The following TEKT3 variants were observed in gnomAD, a reference collection of about 807,000 sequenced individuals.
TEKT3 encodes the protein tektin 3.
Under a neutral mutation model 49.8 loss-of-function variants are expected in TEKT3, and 49 were observed. That is an observed-to-expected ratio of 0.98 (90% confidence interval 0.78 to 1.25). TEKT3 has a LOEUF of 1.25. Among genes scored for constraint, TEKT3 ranks in the 50% most tolerant of loss-of-function variants. The pLI, the probability that TEKT3 is intolerant of heterozygous loss-of-function variation, is 0.00. For synonymous variants in TEKT3, 225 were observed against 237.2 expected (o/e 0.95, Z 0.47); for missense variants, 595 against 629.5 (o/e 0.95, Z 0.59).
At chr17:15,319,248 T>A in intron 4 of TEKT3, 101 bp from the exon 5 acceptor site, 1 of 978,920 alleles carries the variant, frequency 1.0e-6, no homozygotes. Flanking sequence ...TTTTGTTTCT[T>A]AAAATACTGT....
intron 7 of TEKT3, 72 bp from the exon 8 acceptor site, chr17:15,308,890 C>A: frequency 6.4e-7 from 1 of 1,558,410 alleles, no homozygotes; most frequent in Non-Finnish European, 8.8e-7. Context: ...CACCTCTTGC[C>A]TGTCCACTCC....
At chr17:15,305,515 G>A (rs1910505067) in intron 8 of TEKT3, among the ~76,000 whole-genome samples, 1 of 152,106 alleles carries the variant, frequency 6.6e-6, no homozygotes, top group African/African-American at 2.4e-5. Context: ...AAGATCCCAG[G>A]GTATAAAATA....
At chr17:15,343,469 A>T (rs145672767), upstream of TEKT3, among the ~76,000 whole-genome samples, 406 of 152,168 alleles carry the variant, frequency 2.7e-3, 1 homozygote, top group African/African-American at 9.4e-3. Flanking sequence ...AATGCTTATT[A>T]AAAAAAATAA....
intron 4 of TEKT3, 75 bp downstream of exon 4, chr17:15,327,917 C>A: frequency 7.9e-7 from 1 of 1,264,546 alleles, no homozygotes; most frequent in Non-Finnish European, 1.2e-6. Flanking sequence ...ATGTAACATC[C>A]TTTTTTGCTT....
chr17:15,340,228 G>A (rs1199762710), intron 1 of TEKT3, among the ~76,000 whole-genome samples, 167 bp from the exon 2 acceptor site: 2 of 152,176 alleles, frequency 1.3e-5, no homozygotes, highest in East Asian at 3.9e-4. Context: ...CCTGCAACAC[G>A]TACAGCATAA....
rs568982187 is a variant in TEKT3 at position 15,315,707 on chromosome 17, A to C, written c.735-1477T>G. ...AAGATGGAAGTTCAGTTGACATAGT[A>C]AACTTGAGTGTTCACTGAACATCTA... On this transcript the variant is annotated intron_variant, in intron 5 of 8. Coordinates refer to ENST00000395930, the MANE Select transcript of TEKT3 (RefSeq NM_031898.3). 2.0e-4 allele frequency among the ~76,000 whole-genome samples: 30 copies of C among 152,270 alleles called. No individual in the cohort carries two copies. The South Asian group carries it at 4.4e-3, about 22-fold the overall frequency.
rs543576806 is a variant in TEKT3 at position 15,328,610 on chromosome 17, GAA to G, written c.580-537_580-536del. On this transcript the variant is annotated intron_variant, in intron 3 of 8. Transcript: ENST00000395930. ...TAAAGAGAAAAAATATAGAAAAGTA[GAA>G]AATATGATTTAGCCATACTCCTATT... is the stretch of plus-strand genomic sequence containing the variant. Among the ~76,000 whole-genome samples, 290 of 152,186 alleles carry G rather than the reference GAA, an allele frequency of 1.9e-3. 1 individual carries two copies. Among genetic ancestry groups the G allele is most frequent in the African/African-American group, 6.6e-3 (274 of 41,528 alleles).
chr17:15,337,140 A>G (rs1445302973), intron 2 of TEKT3, among the ~76,000 whole-genome samples: 1 of 152,108 alleles, frequency 6.6e-6, no homozygotes, highest in East Asian at 1.9e-4. Context: ...TTATTTTAAA[A>G]TAATTTATAG....
At chr17:15,329,039 T>C (rs1334956452) in intron 3 of TEKT3, among the ~76,000 whole-genome samples, 1 of 152,310 alleles carries the variant, frequency 6.6e-6, no homozygotes, top group African/African-American at 2.4e-5. Flanking sequence ...TATTTTGATA[T>C]GTATTACCAA....
intron 4 of TEKT3, chr17:15,327,771 T>C (rs1409728842): frequency 4.5e-6 from 2 of 447,682 alleles, no homozygotes; most frequent in Admixed American, 7.4e-5. Flanking sequence ...TAATAAAGCT[T>C]CAAGTGATTT....
intron 8 of TEKT3, among the ~76,000 whole-genome samples, chr17:15,307,154 A>G (rs1910587506): frequency 6.6e-6 from 1 of 152,256 alleles, no homozygotes; most frequent in Non-Finnish European, 1.5e-5. Context: ...TTTCATCATA[A>G]TGATCTCCTC....
chr17:15,310,798 G>A (rs1910738352), intron 7 of TEKT3: 1 of 152,110 alleles, frequency 6.6e-6, no homozygotes, highest in African/African-American at 2.4e-5. Context: ...CCTTTAGAAT[G>A]TCTTCTTACA....
chr17:15,313,077 G>A (rs557414160), intron 6 of TEKT3, among the ~76,000 whole-genome samples: 2 of 152,248 alleles, frequency 1.3e-5, no homozygotes, highest in African/African-American at 4.8e-5. Context: ...AAGGATATAC[G>A]TGTGAGGATA....
intron 4 of TEKT3, 116 bp downstream of exon 4, chr17:15,327,876 A>C: frequency 1.2e-6 from 1 of 818,728 alleles, no homozygotes; most frequent in Non-Finnish European, 2.0e-6. Context: ...TCAGCATCTG[A>C]TACGATAATG....
rs1007304378 is a variant in TEKT3, at chr17:15,308,751, G to A, written c.1169C>T (p.Thr390Ile). 9 of 1,613,984 alleles carry A rather than the reference G, an allele frequency of 5.6e-6. No individual in the cohort carries two copies. The highest frequency in any genetic ancestry group is 1.3e-5 in the African/African-American group (1 of 74,908). Residue 390 changes from threonine to isoleucine, a missense_variant, in exon 8 of 9, where the codon ACT becomes ATT. Coordinates refer to ENST00000395930, the MANE Select transcript of TEKT3 (RefSeq NM_031898.3). ...GGTCTGAGCCACCTTCAGGAAGGCAGTCTTGTCCTTGATGGCCTTCTTGAT... is the reference window on the plus strand; with the variant it reads ...GGTCTGAGCCACCTTCAGGAAGGCAATCTTGTCCTTGATGGCCTTCTTGAT... ...ESIKKAIKDK[T>I]AFLKVAQTRL...
intron 2 of TEKT3, among the ~76,000 whole-genome samples, chr17:15,338,807 C>A (rs1021041055): frequency 1.3e-5 from 2 of 151,652 alleles, no homozygotes; most frequent in African/African-American, 4.8e-5. Flanking sequence ...TGAGCCACCG[C>A]GCCCAGCCAG....
intron 2 of TEKT3, among the ~76,000 whole-genome samples, chr17:15,332,183 T>C (rs185766821): frequency 2.9e-3 from 448 of 152,094 alleles, no homozygotes; most frequent in African/African-American, 0.011. Context: ...ACAGAGAGAC[T>C]CCGTCTAAAA....
At chr17:15,331,752 C>T in intron 2 of TEKT3, 138 bp from the exon 3 acceptor site, 1 of 625,294 alleles carries the variant, frequency 1.6e-6, no homozygotes, top group Non-Finnish European at 2.7e-6. Flanking sequence ...CATTTGTTAT[C>T]CACATTCACC....
chr17:15,319,056 A>G lies in TEKT3; in HGVS notation c.734+21T>C, dbSNP rs112235939. On this transcript the variant is annotated intron_variant, in intron 5 of 8. Coordinates refer to ENST00000395930, the MANE Select transcript of TEKT3 (RefSeq NM_031898.3). Reference sequence around the variant, plus strand: ...AGTTCAATGATAGATTTTGAATTGTATAGAGACATAAAGCTCTTACGCAAG... The same window carrying G: ...AGTTCAATGATAGATTTTGAATTGTGTAGAGACATAAAGCTCTTACGCAAG... 1,062 of 1,590,168 alleles carry G rather than the reference A, an allele frequency of 6.7e-4. 5 individuals are homozygous for G. In the African/African-American group the frequency reaches 0.012, roughly 18 times the overall value.
Sources: gnomAD v4.1 joint callset for allele counts (sites outside exome capture counted in the v4.1 genomes callset) on GRCh38, gnomAD v4.1.1 for gene constraint, MANE v1.5 for transcripts, NCBI Gene and HGNC (gene_info 2026-07-23, HGNC 2026-07-21) for gene names.